The following CTNNA2 variants were observed in gnomAD, a reference collection of about 807,000 sequenced individuals.
CTNNA2 encodes catenin alpha 2.
Under a neutral mutation model 101.0 loss-of-function variants are expected in CTNNA2, and 42 were observed. That is an observed-to-expected ratio of 0.42 (90% CI 0.32 to 0.54). The LOEUF (loss-of-function observed/expected upper bound fraction) is 0.54. Among genes scored for constraint, CTNNA2 ranks in the 20% least tolerant of loss-of-function variants. CTNNA2 has a pLI of 0.14. For synonymous variants in CTNNA2, 450 were observed against 456.4 expected, an observed-to-expected ratio of 0.99 and a Z score of 0.18; for missense variants, 871 against 1,223.1, an observed-to-expected ratio of 0.71 and a Z score of 4.29.
At chr2:79,514,081 C>G (rs1671677653) in intron 1 of CTNNA2, among the ~76,000 whole-genome samples, 1 of 152,144 alleles carries the variant, frequency 6.6e-6, no homozygotes, top group African/African-American at 2.4e-5. Context: ...CTACCTACTT[C>G]AAAGGCAGAA....
chr2:79,967,444 C>A, intron 7 of CTNNA2, among the ~76,000 whole-genome samples: 1 of 152,156 alleles, frequency 6.6e-6, no homozygotes, highest in East Asian at 1.9e-4. Flanking sequence ...TCAACTAATG[C>A]AAGGGATTCT....
At chr2:79,751,412 A>G (rs1464174020) in intron 3 of CTNNA2, among the ~76,000 whole-genome samples, 2 of 151,896 alleles carry the variant, frequency 1.3e-5, no homozygotes, top group African/African-American at 2.4e-5. Context: ...TGACCAACAT[A>G]GTGAAACCCC....
At chr2:79,687,334 C>T (rs1194632939) in intron 2 of CTNNA2, among the ~76,000 whole-genome samples, 1 of 151,856 alleles carries the variant, frequency 6.6e-6, no homozygotes, top group African/African-American at 2.4e-5. Context: ...ACAGTAGCCT[C>T]CAATGCTTAT....
intron 12 of CTNNA2, among the ~76,000 whole-genome samples, chr2:80,565,842 A>G (rs1694011618): frequency 6.6e-6 from 1 of 152,066 alleles, no homozygotes. Context: ...TGTTGAATGT[A>G]TTTCTGATCT....
upstream of CTNNA2, among the ~76,000 whole-genome samples, chr2:79,510,936 T>C (rs1414442391): frequency 2.0e-5 from 3 of 152,176 alleles, no homozygotes; most frequent in East Asian, 5.8e-4. Context: ...TTAATTGCAA[T>C]TAAAACAAAA....
chr2:79,982,349 C>A (rs1286466730), intron 7 of CTNNA2, among the ~76,000 whole-genome samples: 41 of 108,830 alleles, frequency 3.8e-4, no homozygotes, highest in East Asian at 2.8e-3. Flanking sequence ...CATATATAAC[C>A]TATATAACCT....
At chr2:80,243,598 G>T (rs1049194184) in intron 7 of CTNNA2, among the ~76,000 whole-genome samples, 1 of 152,050 alleles carries the variant, frequency 6.6e-6, no homozygotes, top group African/African-American at 2.4e-5. Context: ...ATCGTGTATC[G>T]ATGGTGATGG....
intron 14 of CTNNA2, chr2:80,586,189 G>T (rs950559768): frequency 1.3e-5 from 2 of 152,182 alleles, no homozygotes; most frequent in Non-Finnish European, 2.9e-5. Flanking sequence ...AAAGAAGTTA[G>T]CAGTAGGGCA....
At chr2:79,338,445 G>A (rs1436834002) in intron 3 of CTNNA2, among the ~76,000 whole-genome samples, 7 of 152,022 alleles carry the variant, frequency 4.6e-5, no homozygotes, top group African/African-American at 1.7e-4. Flanking sequence ...GAATGAAAAA[G>A]AGAACTATGT....
intron 9 of CTNNA2, among the ~76,000 whole-genome samples, chr2:80,488,212 C>T (rs935395633): frequency 6.6e-6 from 1 of 152,072 alleles, no homozygotes; most frequent in African/African-American, 2.4e-5. Flanking sequence ...ATGGATACAG[C>T]GCAGGATTAT....
At chr2:79,914,599 A>G (rs1235676979) in intron 7 of CTNNA2, among the ~76,000 whole-genome samples, 1 of 152,104 alleles carries the variant, frequency 6.6e-6, no homozygotes, top group Admixed American at 6.5e-5. Flanking sequence ...TTTTTTTAAG[A>G]CTAATTTAGA....
intron 9 of CTNNA2, among the ~76,000 whole-genome samples, chr2:80,516,763 T>C (rs1689144962): frequency 6.6e-6 from 1 of 152,202 alleles, no homozygotes; most frequent in South Asian, 2.1e-4. Flanking sequence ...GGACAGAATT[T>C]GGTCTCAAGT....
chr2:79,477,329 C>A (rs1671061222), intron 4 of CTNNA2, among the ~76,000 whole-genome samples: 1 of 151,916 alleles, frequency 6.6e-6, no homozygotes, highest in African/African-American at 2.4e-5. Flanking sequence ...CGCCACCACA[C>A]CCTGCTGATT....
chr2:80,476,839 G>T (rs549367728), intron 9 of CTNNA2, among the ~76,000 whole-genome samples: 1 of 152,232 alleles, frequency 6.6e-6, no homozygotes, highest in East Asian at 1.9e-4. Flanking sequence ...AGTTTCAGAG[G>T]GTGGACTTAT....
chr2:79,416,380 G>A (rs1678481887), intron 4 of CTNNA2, among the ~76,000 whole-genome samples: 1 of 146,122 alleles, frequency 6.8e-6, no homozygotes, highest in African/African-American at 2.5e-5. Flanking sequence ...CTATTTCAAA[G>A]TCTTGCTCTA....
At chr2:80,512,943 T>C (rs1688826921) in intron 9 of CTNNA2, among the ~76,000 whole-genome samples, 1 of 152,142 alleles carries the variant, frequency 6.6e-6, no homozygotes, top group Non-Finnish European at 1.5e-5. Flanking sequence ...GAAAATGAAA[T>C]ATCTATGCTA....
At chr2:80,513,432 CAAG>C (rs1194908331) in intron 9 of CTNNA2, among the ~76,000 whole-genome samples, 7 of 152,194 alleles carry the variant, frequency 4.6e-5, no homozygotes, top group Admixed American at 3.9e-4. Context: ...GTGTATACTA[CAAG>C]AAGACAAACA....
At chr2:80,580,062 G>A (rs531579602) in intron 13 of CTNNA2, among the ~76,000 whole-genome samples, 1 of 152,136 alleles carries the variant, frequency 6.6e-6, no homozygotes, top group Non-Finnish European at 1.5e-5. Flanking sequence ...ACTACCGTTC[G>A]AATTTAACCT....
chr2:80,531,904 G>A (rs1690576739), intron 9 of CTNNA2, among the ~76,000 whole-genome samples: 1 of 152,184 alleles, frequency 6.6e-6, no homozygotes, highest in Non-Finnish European at 1.5e-5. Flanking sequence ...TAAACTGGGG[G>A]TTGGCAATCT....
Sources: allele counts gnomAD v4.1 joint callset (sites outside exome capture counted in the v4.1 genomes callset), GRCh38; gene constraint gnomAD v4.1.1; transcripts MANE v1.5; gene names NCBI Gene and HGNC (gene_info 2026-07-23, HGNC 2026-07-21).